The following GABRR3 variants were observed in gnomAD, a reference collection of about 807,000 sequenced individuals.
The protein encoded by GABRR3 is gamma-aminobutyric acid type A receptor subunit rho3.
A neutral mutation model predicts 43.2 loss-of-function variants in GABRR3; 29 were observed. That is an observed-to-expected ratio of 0.67 (90% CI 0.50 to 0.92). The LOEUF is 0.92. Among genes scored for constraint, GABRR3 ranks in the 40% least tolerant of loss-of-function variants. GABRR3 has a pLI of 0.00. For missense variants in GABRR3, 576 were observed against 572.3 expected (o/e 1.01, Z -0.07); for synonymous variants, 206 against 195.9 (o/e 1.05, Z -0.43).
intron 7 of GABRR3, among the ~76,000 whole-genome samples, chr3:98,004,803 T>C (rs1275047823): frequency 6.6e-6 from 1 of 151,960 alleles, no homozygotes; most frequent in Non-Finnish European, 1.5e-5. Flanking sequence ...GTGGTGGTTG[T>C]GGCTGGTAGT....
At chr3:98,008,375 G>A (rs1196962295) in intron 6 of GABRR3, among the ~76,000 whole-genome samples, 1 of 152,218 alleles carries the variant, frequency 6.6e-6, no homozygotes, top group Non-Finnish European at 1.5e-5. Flanking sequence ...AATGGAGTTA[G>A]GGCGGAGCAT....
At chr3:97,995,691 A>C (rs1706544118) in intron 8 of GABRR3, among the ~76,000 whole-genome samples, 1 of 152,138 alleles carries the variant, frequency 6.6e-6, no homozygotes, top group African/African-American at 2.4e-5. Context: ...AAATTCCTAA[A>C]GCAATAGAAC....
intron 5 of GABRR3, among the ~76,000 whole-genome samples, 199 bp from the exon 6 acceptor site, chr3:98,009,237 G>A (rs1223196657): frequency 6.6e-6 from 1 of 152,144 alleles, no homozygotes; most frequent in Non-Finnish European, 1.5e-5. Context: ...TTAAGACACA[G>A]AGTCAATGAG....
chr3:98,020,793 G>T (rs905599198), intron 3 of GABRR3, among the ~76,000 whole-genome samples: 4 of 151,892 alleles, frequency 2.6e-5, no homozygotes, highest in Admixed American at 2.6e-4. Flanking sequence ...TTCTGGTGGG[G>T]ATAAGCTCTT....
chr3:97,985,914 T>C (rs1384859007), downstream of GABRR3, among the ~76,000 whole-genome samples: 1 of 152,084 alleles, frequency 6.6e-6, no homozygotes, highest in African/African-American at 2.4e-5. Flanking sequence ...TCGCCCAGGC[T>C]AGAGTGCAGT....
chr3:97,994,201 C>T (rs1245150124), intron 8 of GABRR3, among the ~76,000 whole-genome samples: 2 of 152,218 alleles, frequency 1.3e-5, no homozygotes, highest in African/African-American at 4.8e-5. Context: ...ACAGCCACAG[C>T]ATGTGGACTG....
At chr3:98,010,613 C>G (rs1483939178) in intron 5 of GABRR3, among the ~76,000 whole-genome samples, 6 of 152,320 alleles carry the variant, frequency 3.9e-5, no homozygotes, top group Admixed American at 3.3e-4. Context: ...CCTGCAAGAG[C>G]CTGGCTAGGG....
At chr3:98,033,570 T>C (rs1304101152) in intron 2 of GABRR3, among the ~76,000 whole-genome samples, 2 of 152,144 alleles carry the variant, frequency 1.3e-5, no homozygotes, top group Non-Finnish European at 2.9e-5. Context: ...TCTCTTCTCC[T>C]CATCTAAACA....
At chr3:97,995,093 C>T (rs966015911) in intron 8 of GABRR3, among the ~76,000 whole-genome samples, 12 of 152,132 alleles carry the variant, frequency 7.9e-5, no homozygotes, top group South Asian at 4.1e-4. Flanking sequence ...ATTCTCCTGC[C>T]TCAGCCTCCT....
intron 2 of GABRR3, among the ~76,000 whole-genome samples, chr3:98,034,154 A>T (rs1707123734): frequency 1.3e-5 from 2 of 152,090 alleles, no homozygotes; most frequent in Non-Finnish European, 2.9e-5. Context: ...ACATTATTTG[A>T]TTATTAAAGG....
chr3:98,006,092 T>C (rs906581426), intron 7 of GABRR3, among the ~76,000 whole-genome samples: 2 of 151,938 alleles, frequency 1.3e-5, no homozygotes, highest in Non-Finnish European at 2.9e-5. Context: ...TTTATTCATA[T>C]AGAGAAAGAC....
At chr3:98,015,965 G>C (rs1017945500) in intron 4 of GABRR3, among the ~76,000 whole-genome samples, 10 of 152,266 alleles carry the variant, frequency 6.6e-5, no homozygotes, top group Admixed American at 5.2e-4. Context: ...TGGCTGGGGA[G>C]GCCTCACGAA....
intron 8 of GABRR3, chr3:98,001,384 T>C (rs997267713): frequency 3.9e-6 from 2 of 514,748 alleles, no homozygotes; most frequent in African/African-American, 3.8e-5. Context: ...ATCACCCAAC[T>C]GCAGGTCAGT....
intron 6 of GABRR3, among the ~76,000 whole-genome samples, chr3:98,008,407 A>G (rs1230339786): frequency 6.6e-6 from 1 of 152,238 alleles, no homozygotes; most frequent in Non-Finnish European, 1.5e-5. Flanking sequence ...ACATCTGGTG[A>G]GATTCCCAGC....
Position 98,012,570 on chromosome 3 carries a change from A to G in GABRR3, c.307-3T>C, listed in dbSNP as rs1336678444. 1.2e-6 allele frequency: 2 copies of G among 1,600,794 alleles called. No individual in the cohort carries two copies. The highest frequency in any genetic ancestry group is 1.1e-5 in the South Asian group (1 of 90,420). On this transcript the variant is annotated splice_polypyrimidine_tract_variant and splice_region_variant and intron_variant, in intron 4 of 9. Coordinates refer to ENST00000621172, the Ensembl canonical transcript of GABRR3. Reference sequence around the variant, plus strand: ...AGATAAAAAGTCATTGTAAAGTCCTAGACAGAGAGAAAAAGAGACCAAAAA... The same window carrying G: ...AGATAAAAAGTCATTGTAAAGTCCTGGACAGAGAGAAAAAGAGACCAAAAA...
chr3:98,025,421 C>A (rs1430205076), intron 3 of GABRR3, 146 bp downstream of exon 3: 1 of 561,960 alleles, frequency 1.8e-6, no homozygotes, highest in African/African-American at 1.9e-5. Flanking sequence ...CAATTGTTCT[C>A]ATTAAAGAGA....
intron 9 of GABRR3, among the ~76,000 whole-genome samples, chr3:97,991,895 T>C (rs1318912968): frequency 1.4e-4 from 21 of 152,206 alleles, no homozygotes; most frequent in Admixed American, 1.4e-3. Context: ...AAGTTATGGG[T>C]ATATGTGTAT....
intron 2 of GABRR3, among the ~76,000 whole-genome samples, chr3:98,034,273 G>C (rs1707124796): frequency 6.6e-6 from 1 of 152,136 alleles, no homozygotes. Flanking sequence ...GGTGTATAAA[G>C]AGGTCACTCT....
chr3:98,009,376 T>G lies in GABRR3; in HGVS notation c.531-338A>C, dbSNP rs140227443. Among the ~76,000 whole-genome samples, 102 of 151,972 alleles carry G rather than the reference T, an allele frequency of 6.7e-4. No homozygotes were observed. The East Asian group carries it at 0.019, about 29-fold the overall frequency. ...GAGACTTTTAAATAGATTTAAATAT[T>G]TTTTGCTTTCTGGAAGATCCACACA... On this transcript the variant is annotated intron_variant, in intron 5 of 9. Coordinates refer to ENST00000621172, the Ensembl canonical transcript of GABRR3.
Sources: gnomAD v4.1 joint callset for allele counts (sites outside exome capture counted in the v4.1 genomes callset) on GRCh38, gnomAD v4.1.1 for gene constraint, MANE v1.5 for transcripts, NCBI Gene and HGNC (gene_info 2026-07-23, HGNC 2026-07-21) for gene names.